The following ABHD4 variants were observed in gnomAD, a reference collection of about 807,000 sequenced individuals.
ABHD4 encodes abhydrolase domain containing 4, N-acyl phospholipase B, also known as (Lyso)-N-acylphosphatidylethanolamine lipase.
In ABHD4, 35 loss-of-function variants were observed where a neutral mutation model predicts 42.3. That is an observed-to-expected ratio of 0.83 (90% CI 0.63 to 1.10). The LOEUF (loss-of-function observed/expected upper bound fraction) is 1.10, where lower values mean the gene tolerates loss of function less well. Ranked by LOEUF, ABHD4 falls within the 50% of genes least tolerant of loss-of-function variation. The probability of loss-of-function intolerance (pLI) is 0.00; values close to 1 mark genes in which losing one functional copy is unlikely to be tolerated. For missense variants in ABHD4, 389 were observed against 454.8 expected, an observed-to-expected ratio of 0.86 and a Z score of 1.32; for synonymous variants, 169 against 170.6, an observed-to-expected ratio of 0.99 and a Z score of 0.07.
In ABHD4 at chr14:22,611,136, AGCCACAAGAG is replaced by A. The variant is rs752777510; in HGVS notation, c.*192_*201del. ...CCCTACACTGAAGGCTGAAGGCAGA[AGCCACAAGAG>A]GCCTTGAGTGCCACCCCCAGGGAAG... On this transcript the variant is annotated 3_prime_UTR_variant, in exon 7 of 7. Coordinates refer to ENST00000428304, the MANE Select transcript of ABHD4 (RefSeq NM_022060.3). 1.0e-5 allele frequency: 6 copies of A among 596,844 alleles called. No individual in the cohort carries two copies. Among genetic ancestry groups the A allele is most frequent in the African/African-American group, 1.8e-5 (1 of 54,232 alleles). The allele number at this position is 596,844 out of a possible 1,614,324, so 37.0% of individuals were successfully genotyped here. A position where few individuals can be genotyped will look rare whatever the true frequency, so the allele number is the denominator to read the frequency against.
Position 22,611,165 on chromosome 14 carries a change from A to T in ABHD4, c.*217A>T, listed in dbSNP as rs541755779. On this transcript the variant is annotated 3_prime_UTR_variant, in exon 7 of 7. Transcript: ENST00000428304. ...ACAAGAGGCCTTGAGTGCCACCCCC[A>T]GGGAAGAACATAAAGGGTTGCACAA... 7 of 555,410 alleles carry T rather than the reference A, an allele frequency of 1.3e-5. No homozygotes were observed. Among genetic ancestry groups the T allele is most frequent in the Non-Finnish European group, 2.3e-5 (7 of 306,928 alleles). The allele number at this position is 555,410 out of a possible 1,614,324, so 34.4% of individuals were successfully genotyped here.
chr14:22,606,360 C>CAGG, intron 4 of ABHD4, 62 bp from the exon 5 acceptor site: 1 of 1,072,776 alleles, frequency 9.3e-7, no homozygotes, highest in Non-Finnish European at 1.4e-6. Context: ...CATACACAGG[C>CAGG]AGGAGTCTTC....
At chr14:22,599,728 C>A (rs1007193250) in intron 1 of ABHD4, among the ~76,000 whole-genome samples, 1 of 152,220 alleles carries the variant, frequency 6.6e-6, no homozygotes, top group Non-Finnish European at 1.5e-5. Flanking sequence ...GTGTTATGAT[C>A]TGACTTGTCA....
At chr14:22,600,290 C>T in intron 1 of ABHD4, 2 of 432,158 alleles carry the variant, frequency 4.6e-6, no homozygotes, top group Non-Finnish European at 9.5e-6. Flanking sequence ...TGGTTATGTT[C>T]TGTGAATATT....
intron 5 of ABHD4, 150 bp downstream of exon 5, chr14:22,606,683 A>G (rs2037353819): frequency 6.6e-6 from 4 of 608,018 alleles, no homozygotes; most frequent in Middle Eastern, 4.3e-4. Context: ...TCATTTCCAG[A>G]GAGTTCCCCA....
intron 2 of ABHD4, among the ~76,000 whole-genome samples, chr14:22,603,131 A>G (rs2037305409): frequency 6.6e-6 from 1 of 152,232 alleles, no homozygotes; most frequent in African/African-American, 2.4e-5. Flanking sequence ...GATTCTTGCT[A>G]AGACTGAGCT....
At chr14:22,599,575 A>G (rs2139260522) in intron 1 of ABHD4, among the ~76,000 whole-genome samples, 1 of 152,248 alleles carries the variant, frequency 6.6e-6, no homozygotes, top group Admixed American at 6.5e-5. Flanking sequence ...TCCAGTGTTT[A>G]CTTGTAACAT....
chr14:22,611,438 G>A lies in ABHD4; in HGVS notation c.*490G>A, dbSNP rs2037413953. ...GGGTCTGCTTAACTGCCAAGAGCAG[G>A]TCCTGGAGTTCCCTTCACCTGCAGA... On this transcript the variant is annotated 3_prime_UTR_variant, in exon 7 of 7. Coordinates refer to ENST00000428304, the MANE Select transcript of ABHD4 (RefSeq NM_022060.3). 6.1e-6 allele frequency: 1 copy of A among 163,244 alleles called. No individual in the cohort carries two copies. The highest frequency in any genetic ancestry group is 1.4e-5 in the Non-Finnish European group (1 of 73,976). 10.1% of individuals were successfully genotyped at this position (163,244 alleles called of 1,614,324 possible).
chr14:22,610,710 A>C, intron 6 of ABHD4, 149 bp from the exon 7 acceptor site: 1 of 630,848 alleles, frequency 1.6e-6, no homozygotes, highest in Non-Finnish European at 2.8e-6. Context: ...GGAAAATACC[A>C]AGATCCAAGC....
chr14:22,600,969 C>T (rs2037278199), intron 1 of ABHD4, among the ~76,000 whole-genome samples: 1 of 151,804 alleles, frequency 6.6e-6, no homozygotes, highest in South Asian at 2.1e-4. Context: ...TCTGTGTTAC[C>T]GCATGTCATT....
rs776753947 is a variant in ABHD4 at position 22,603,455 on chromosome 14, A to G, written c.178A>G (p.Thr60Ala). ...AAACCAGAATAAGATCTGGACGGTG[A>G]CTGTGAGCCCCGAGCAAAACGACCG... is the stretch of plus-strand genomic sequence containing the variant. ...LPNQNKIWTV[T>A]VSPEQNDRTP... Residue 60 changes from threonine (T) to alanine (A), a missense_variant, in exon 3 of 7, where the codon ACT (threonine) becomes GCT (alanine). Physicochemically the swap from Thr to Ala is moderately conservative, Grantham distance 58. Around this residue, in one of 3 missense-constraint regions of ABHD4, gnomAD observed 102 missense variants for 128.3 expected, o/e 0.80. Coordinates refer to ENST00000428304, the MANE Select transcript of ABHD4 (RefSeq NM_022060.3). 16 of 1,614,068 alleles carry G rather than the reference A, an allele frequency of 9.9e-6. No homozygotes were observed. The South Asian group carries it at 1.8e-4, about 18-fold the overall frequency.
In ABHD4 at chr14:22,611,221, C is replaced by T; in HGVS notation, c.*273C>T. The T allele has an allele frequency of 2.3e-6, 1 of 431,804 alleles. No homozygotes were observed. The highest frequency in any genetic ancestry group is 4.3e-6 in the Non-Finnish European group (1 of 232,422). 26.7% of individuals were successfully genotyped at this position (431,804 alleles called of 1,614,324 possible). A position where few individuals can be genotyped will look rare whatever the true frequency, so the allele number is the denominator to read the frequency against. ...CCCATCCACTCCTTGCCAAGTGTTA[C>T]CCAGATGGTGGAGGATGTGAAGGGA... is the stretch of plus-strand genomic sequence containing the variant. On this transcript the variant is annotated 3_prime_UTR_variant, in exon 7 of 7. Transcript: ENST00000428304.
rs565753328 is a variant in ABHD4 at position 22,603,160 on chromosome 14, C to T, written c.113-230C>T. Among the ~76,000 whole-genome samples the T allele has an allele frequency of 9.2e-5, 14 of 152,272 alleles. No homozygotes were observed. In the South Asian group the frequency reaches 2.9e-3, roughly 32 times the overall value. ...CTGAGCTAGACATTTGGAAGACAGGCCAGGGGCCAAGGTCAAAGCCTAGTC... is the reference window on the plus strand; with the variant it reads ...CTGAGCTAGACATTTGGAAGACAGGTCAGGGGCCAAGGTCAAAGCCTAGTC... On this transcript the variant is annotated intron_variant, in intron 2 of 6. Transcript: ENST00000428304.
chr14:22,610,845 TTC>T lies in ABHD4; in HGVS notation c.940-7_940-6del, dbSNP rs2037406708. 1 of 1,607,730 alleles carries T rather than the reference TTC, an allele frequency of 6.2e-7. No individual in the cohort carries two copies. The highest frequency in any genetic ancestry group is 1.3e-5 in the African/African-American group (1 of 74,828). On this transcript the variant is annotated splice_polypyrimidine_tract_variant and intron_variant, in intron 6 of 6. Coordinates refer to ENST00000428304, the MANE Select transcript of ABHD4 (RefSeq NM_022060.3). Reference sequence around the variant, plus strand: ...TAAAAGGCCATCCCACCCCTGCGGGTTCTCTCTCCACAGGAGATTAAGGGTGC... The same window carrying T: ...TAAAAGGCCATCCCACCCCTGCGGGTTCTCTCCACAGGAGATTAAGGGTGC...
rs780132952 is a variant in ABHD4, at chr14:22,604,085, T to C, written c.640+6T>C. 13 of 1,613,942 alleles carry C rather than the reference T, an allele frequency of 8.1e-6. 1 individual carries two copies. In the South Asian group the frequency reaches 1.4e-4, roughly 18 times the overall value. Reference sequence around the variant, plus strand: ...TCGAGTAGCTGGGCCCTGGGGTGAGTAGCCTGTAGTATCTCCTTAAAGGAA... The same window carrying C: ...TCGAGTAGCTGGGCCCTGGGGTGAGCAGCCTGTAGTATCTCCTTAAAGGAA... On this transcript the variant is annotated splice_donor_region_variant and intron_variant, in intron 4 of 6. Coordinates refer to ENST00000428304, the MANE Select transcript of ABHD4 (RefSeq NM_022060.3).
intron 5 of ABHD4, 97 bp from the exon 6 acceptor site, chr14:22,609,627 G>A: frequency 4.5e-6 from 6 of 1,335,808 alleles, no homozygotes; most frequent in Non-Finnish European, 6.2e-6. Context: ...GCTTTGACAG[G>A]AATACAAAGG....
chr14:22,600,073 A>T, intron 1 of ABHD4: 1 of 414,444 alleles, frequency 2.4e-6, no homozygotes, highest in East Asian at 7.3e-5. Context: ...TGTGCTTTAG[A>T]TGCATTAACA....
chr14:22,603,275 G>C lies in ABHD4; in HGVS notation c.113-115G>C, dbSNP rs931438481. On this transcript the variant is annotated intron_variant, in intron 2 of 6. Coordinates refer to ENST00000428304, the MANE Select transcript of ABHD4 (RefSeq NM_022060.3). ...GAGGGTTGTGAGAGGAAGGAGCTGA[G>C]GGAAGTTGGGGAGGGTTCGGGAATG... The C allele has an allele frequency of 5.3e-6, 7 of 1,327,712 alleles. No homozygotes were observed. In the African/African-American group the frequency reaches 5.8e-5, roughly 11 times the overall value. 82.2% of individuals were successfully genotyped at this position (1,327,712 alleles called of 1,614,324 possible). A position where few individuals can be genotyped will look rare whatever the true frequency, so the allele number is the denominator to read the frequency against.
In ABHD4 at chr14:22,605,988, G is replaced by A. The variant is rs140080252; in HGVS notation, c.641-434G>A. 1,209 of 500,420 alleles carry A rather than the reference G, an allele frequency of 2.4e-3. 5 individuals are homozygous for A. The highest frequency in any genetic ancestry group is 3.3e-3 in the Non-Finnish European group (914 of 280,638). 31.0% of individuals were successfully genotyped at this position (500,420 alleles called of 1,614,324 possible). A position where few individuals can be genotyped will look rare whatever the true frequency, so the allele number is the denominator to read the frequency against. Reference sequence around the variant, plus strand: ...CTAATACAGGCCTGAAAATGAGAGCGCTGTCGGGAGGTGGTCTAGTTCCAT... The same window carrying A: ...CTAATACAGGCCTGAAAATGAGAGCACTGTCGGGAGGTGGTCTAGTTCCAT... On this transcript the variant is annotated intron_variant, in intron 4 of 6. Coordinates refer to ENST00000428304, the MANE Select transcript of ABHD4 (RefSeq NM_022060.3).
Sources: allele counts gnomAD v4.1 joint callset (sites outside exome capture counted in the v4.1 genomes callset), GRCh38; gene constraint gnomAD v4.1.1; regional missense constraint gnomAD v4.1.1; transcripts MANE v1.5; gene names NCBI Gene and HGNC (gene_info 2026-07-23, HGNC 2026-07-21).